ZNF90: variants seen among roughly 807,000 people sequenced by gnomAD.
ZNF90 encodes zinc finger protein 90, also known as zinc finger protein HTF9.
In ZNF90, 11 loss-of-function variants were observed where a neutral mutation model predicts 12.0. The observed-to-expected ratio is 0.92, with a 90% CI of 0.58 to 1.52. The LOEUF is 1.52. Among genes scored for constraint, ZNF90 ranks in the 40% most tolerant of loss-of-function variants. The probability of loss-of-function intolerance (pLI) is 0.00; values close to 1 mark genes in which losing one functional copy is unlikely to be tolerated. For missense variants in ZNF90, 765 were observed against 711.5 expected (o/e 1.08, Z -0.86); for synonymous variants, 232 against 240.1 (o/e 0.97, Z 0.31).
chr19:20,114,493 C>G (rs1555705458), intron 3 of ZNF90, among the ~76,000 whole-genome samples: 1 of 152,062 alleles, frequency 6.6e-6, no homozygotes, highest in East Asian at 1.9e-4. Flanking sequence ...CAATATCTGT[C>G]TGTTTGTGGC....
chr19:20,111,571 T>G lies in ZNF90; in HGVS notation c.227-6210T>G, dbSNP rs1000619304. Among the ~76,000 whole-genome samples, 8 of 152,182 alleles carry G rather than the reference T, an allele frequency of 5.3e-5. No individual in the cohort carries two copies. In the East Asian group the frequency reaches 1.5e-3, roughly 29 times the overall value. ...TAAAGAAAAATTACCAGTTATATAA[T>G]TATTGTGTTATGTGTTTCTAATAGT... On this transcript the variant is annotated intron_variant, in intron 3 of 3. Coordinates refer to ENST00000418063, the MANE Select transcript of ZNF90 (RefSeq NM_007138.2).
intron 1 of ZNF90, among the ~76,000 whole-genome samples, chr19:20,102,078 C>G (rs569446947): frequency 6.6e-6 from 1 of 152,308 alleles, no homozygotes; most frequent in Admixed American, 6.5e-5. Flanking sequence ...TCAAAGGTTT[C>G]AGCTTGTTAA....
At position 20,118,114 on chromosome 19, in the gene ZNF90, C is replaced by T. The variant is rs782525164; in HGVS notation, c.560C>T (p.Thr187Ile). 6.2e-7 allele frequency: 1 copy of T among 1,613,484 alleles called. No homozygotes were observed. The highest frequency in any genetic ancestry group is 8.5e-7 in the Non-Finnish European group (1 of 1,179,648). Residue 187 changes from threonine to isoleucine, a missense_variant, in exon 4 of 4, where the codon ACC becomes ATC. By Grantham distance (89) the Thr-to-Ile change is moderately conservative. Coordinates refer to ENST00000418063, the MANE Select transcript of ZNF90 (RefSeq NM_007138.2). Reference sequence around the variant, plus strand: ...GGCAAAGCTTTCAACCAGTCCTCAACCCTTGCTACACATAAGAAAATTCAT... The same window carrying T: ...GGCAAAGCTTTCAACCAGTCCTCAATCCTTGCTACACATAAGAAAATTCAT... Reference protein sequence around the residue: ...ECGKAFNQSSTLATHKKIHTG... With the variant: ...ECGKAFNQSSILATHKKIHTG...
chr19:20,078,380 A>T (rs896637360), intron 1 of ZNF90, among the ~76,000 whole-genome samples: 3 of 151,456 alleles, frequency 2.0e-5, no homozygotes, highest in African/African-American at 7.3e-5. Context: ...CTCTGCACCC[A>T]CAGCGCTGCG....
intron 1 of ZNF90, among the ~76,000 whole-genome samples, chr19:20,089,746 T>G (rs1223270658): frequency 6.6e-6 from 1 of 152,054 alleles, no homozygotes; most frequent in Non-Finnish European, 1.5e-5. Context: ...GAGGGTAAAG[T>G]TGAGGGCTGT....
Position 20,119,076 on chromosome 19 carries a change from C to T in ZNF90, c.1522C>T (p.Pro508Ser). ...THKIIHSGEN[P>S]YKCEECGKAF... Reference sequence around the variant, plus strand: ...TAAGATAATTCACAGTGGAGAGAATCCCTACAAATGTGAAGAATGTGGCAA... The same window carrying T: ...TAAGATAATTCACAGTGGAGAGAATTCCTACAAATGTGAAGAATGTGGCAA... The change falls in exon 4 of 4, where the codon CCC (proline) becomes TCC (serine). Residue 508 changes from proline to serine, a missense_variant. Transcript: ENST00000418063. The T allele has an allele frequency of 6.2e-7, 1 of 1,612,256 alleles. No homozygotes were observed. The highest frequency in any genetic ancestry group is 1.7e-5 in the Admixed American group (1 of 59,594).
In ZNF90 at chr19:20,119,424, A is replaced by G. The variant is rs2089176835; in HGVS notation, c.*64A>G. The G allele has an allele frequency of 7.0e-7, 1 of 1,432,116 alleles. No individual in the cohort carries two copies. The highest frequency in any genetic ancestry group is 1.4e-5 in the African/African-American group (1 of 69,540). The allele number at this position is 1,432,116 out of a possible 1,614,324, so 88.7% of individuals were successfully genotyped here. On this transcript the variant is annotated 3_prime_UTR_variant, in exon 4 of 4. Coordinates refer to ENST00000418063, the MANE Select transcript of ZNF90 (RefSeq NM_007138.2). The stretch of plus-strand genomic sequence containing the variant: ...ACTGGAGAGAAACCGTATAAATGTG[A>G]TGACTGTTGGAAAGCCTTTGACCAC...
intron 1 of ZNF90, among the ~76,000 whole-genome samples, chr19:20,090,843 G>A (rs1169583033): frequency 1.3e-5 from 2 of 152,210 alleles, no homozygotes; most frequent in African/African-American, 4.8e-5. Flanking sequence ...AGAGGTAAAA[G>A]TACTGTCCAA....
intron 3 of ZNF90, among the ~76,000 whole-genome samples, chr19:20,116,165 G>A (rs907900312): frequency 2.0e-5 from 3 of 151,930 alleles, no homozygotes; most frequent in Non-Finnish European, 2.9e-5. Context: ...GAACCACTGT[G>A]CCCAGCATAT....
chr19:20,112,626 G>C (rs117611239), intron 3 of ZNF90, among the ~76,000 whole-genome samples: 1 of 152,084 alleles, frequency 6.6e-6, no homozygotes, highest in Non-Finnish European at 1.5e-5. Flanking sequence ...ACAACCTCTT[G>C]TAGTACATCT....
rs2089160418 is a variant in ZNF90 at position 20,118,343 on chromosome 19, C to T, written c.789C>T (p.Gly263=). ...AACGGTACAAATGTGAAGATTGTGGCAAAGAATTAAAGTATTCCTCTACCC... is the reference window on the plus strand; with the variant it reads ...AACGGTACAAATGTGAAGATTGTGGTAAAGAATTAAAGTATTCCTCTACCC... ...GEKRYKCEDC[G]KELKYSSTLT... is the part of the protein sequence containing the mutation. Residue 263 remains glycine, a synonymous_variant, in exon 4 of 4, where the codon GGC becomes GGT. Coordinates refer to ENST00000418063, the MANE Select transcript of ZNF90 (RefSeq NM_007138.2). 6.4e-7 allele frequency: 1 copy of T among 1,559,228 alleles called. No homozygotes were observed. The highest frequency in any genetic ancestry group is 8.7e-7 in the Non-Finnish European group (1 of 1,151,100).
chr19:20,108,061 T>C (rs1172591876), intron 3 of ZNF90, among the ~76,000 whole-genome samples: 1 of 152,184 alleles, frequency 6.6e-6, no homozygotes, highest in African/African-American at 2.4e-5. Flanking sequence ...GTCTACTCTT[T>C]TCTTCTAAAG....
chr19:20,087,111 T>A (rs1375083583), intron 1 of ZNF90: 2 of 152,238 alleles, frequency 1.3e-5, no homozygotes, highest in Non-Finnish European at 2.9e-5. Context: ...AAAGAAACTT[T>A]ATAAAATTAT....
At chr19:20,101,254 G>A (rs931265371) in intron 1 of ZNF90, among the ~76,000 whole-genome samples, 2 of 152,180 alleles carry the variant, frequency 1.3e-5, no homozygotes, top group Non-Finnish European at 2.9e-5. Flanking sequence ...AACACTAGTC[G>A]CTGGGTTCCA....
At chr19:20,096,113 C>T (rs549549705) in intron 1 of ZNF90, among the ~76,000 whole-genome samples, 10 of 151,990 alleles carry the variant, frequency 6.6e-5, no homozygotes, top group East Asian at 5.8e-4. Context: ...TGAAGTGTGG[C>T]GCCAAGATTG....
chr19:20,116,916 T>A (rs2089141208), intron 3 of ZNF90, among the ~76,000 whole-genome samples: 1 of 151,462 alleles, frequency 6.6e-6, no homozygotes, highest in Admixed American at 6.6e-5. Context: ...TGGGAGACAT[T>A]AACCAGTGTC....
chr19:20,109,718 A>AT (rs2089070248), intron 3 of ZNF90, among the ~76,000 whole-genome samples: 1 of 152,060 alleles, frequency 6.6e-6, no homozygotes, highest in Admixed American at 6.6e-5. Flanking sequence ...GTAAAAAAAA[A>AT]AAAATTAATA....
chr19:20,093,564 C>A (rs542736368), intron 1 of ZNF90, among the ~76,000 whole-genome samples: 4 of 152,132 alleles, frequency 2.6e-5, no homozygotes, highest in African/African-American at 9.6e-5. Flanking sequence ...GTCAGGGAAG[C>A]AGATAATTTG....
intron 1 of ZNF90, among the ~76,000 whole-genome samples, chr19:20,088,891 T>C (rs1555702406): frequency 6.6e-6 from 1 of 152,192 alleles, no homozygotes; most frequent in Admixed American, 6.5e-5. Context: ...GTGGAAGAAC[T>C]CTTTTTTGTC....
Sources: gnomAD v4.1 joint callset for allele counts (sites outside exome capture counted in the v4.1 genomes callset) on GRCh38, gnomAD v4.1.1 for gene constraint, MANE v1.5 for transcripts, NCBI Gene and HGNC (gene_info 2026-07-23, HGNC 2026-07-21) for gene names.